DLC1: variants seen among roughly 807,000 people sequenced by gnomAD.
The protein encoded by DLC1 is rho GTPase-activating protein 7.
Under a neutral mutation model 140.3 loss-of-function variants are expected in DLC1, and 54 were observed. The observed-to-expected ratio is 0.38, with a 90% CI of 0.31 to 0.48. The LOEUF is 0.48. Among genes scored for constraint, DLC1 ranks in the 20% least tolerant of loss-of-function variants. DLC1 has a pLI of 0.96. For synonymous variants in DLC1, 986 were observed against 728.1 expected (o/e 1.35, Z -5.70); for missense variants, 2,536 against 1,907.0 (o/e 1.33, Z -6.14).
At chr8:13,531,280 A>T (rs1171974960) in intron 1 of DLC1, among the ~76,000 whole-genome samples, 3 of 152,184 alleles carry the variant, frequency 2.0e-5, no homozygotes, top group South Asian at 2.1e-4. Context: ...ATTGAGTTAC[A>T]TTTACAGCAA....
intron 5 of DLC1, chr8:13,214,588 G>T: frequency 1.4e-6 from 1 of 693,784 alleles, no homozygotes; most frequent in Non-Finnish European, 2.6e-6. Context: ...GCTGCCCGAG[G>T]AAATTGGAGT....
chr8:13,379,593 C>A (rs1221986009), intron 4 of DLC1, among the ~76,000 whole-genome samples: 2 of 152,176 alleles, frequency 1.3e-5, no homozygotes, highest in Non-Finnish European at 2.9e-5. Context: ...TAAGTCAAAT[C>A]ATTGTAAATT....
chr8:13,305,223 T>C lies in DLC1; in HGVS notation c.1348+46A>G, dbSNP rs201685760. The stretch of plus-strand genomic sequence containing the variant: ...AATGCCTATTTTAAGGTGAAATTTA[T>C]TCTAAAATAGATTGGCGAGAAAACA... On this transcript the variant is annotated intron_variant, in intron 5 of 17. Coordinates refer to ENST00000276297, the MANE Select transcript of DLC1 (RefSeq NM_182643.3). 64 of 1,602,922 alleles carry C rather than the reference T, an allele frequency of 4.0e-5. No homozygotes were observed. In the Middle Eastern group the frequency reaches 1.0e-3, roughly 25 times the overall value.
At chr8:13,415,589 T>C (rs1244826180) in intron 2 of DLC1, among the ~76,000 whole-genome samples, 1 of 151,958 alleles carries the variant, frequency 6.6e-6, no homozygotes, top group Non-Finnish European at 1.5e-5. Flanking sequence ...TTAGTAGAGA[T>C]GGGGTTTCAC....
At chr8:13,405,899 T>TTTTC (rs1223746115) in intron 2 of DLC1, among the ~76,000 whole-genome samples, 8 of 145,696 alleles carry the variant, frequency 5.5e-5, no homozygotes, top group Middle Eastern at 7.0e-3. Context: ...CTTTCTTTCT[T>TTTTC]TTTCTTTCTT....
chr8:13,303,345 C>A (rs1832281503), intron 5 of DLC1, among the ~76,000 whole-genome samples: 1 of 151,990 alleles, frequency 6.6e-6, no homozygotes, highest in Admixed American at 6.6e-5. Context: ...TCTCTCGATT[C>A]TTTTATGTGT....
At chr8:13,580,188 T>C (rs575670335) in intron 1 of DLC1, among the ~76,000 whole-genome samples, 1 of 152,128 alleles carries the variant, frequency 6.6e-6, no homozygotes, top group East Asian at 1.9e-4. Flanking sequence ...AGTGGCGCAA[T>C]CTCGGCTCAC....
chr8:13,276,395 C>A (rs562904462), intron 5 of DLC1: 1 of 1,488,230 alleles, frequency 6.7e-7, no homozygotes, highest in Non-Finnish European at 8.9e-7. Context: ...CCTTGGGGTC[C>A]CCCATCCGCT....
chr8:13,234,232 C>A (rs531424622), intron 5 of DLC1, among the ~76,000 whole-genome samples: 1 of 152,130 alleles, frequency 6.6e-6, no homozygotes, highest in East Asian at 1.9e-4. Flanking sequence ...AAGCTTAAGG[C>A]CAAGTCAAGA....
chr8:13,255,711 A>G (rs1830196200), intron 5 of DLC1, among the ~76,000 whole-genome samples: 1 of 151,974 alleles, frequency 6.6e-6, no homozygotes, highest in African/African-American at 2.4e-5. Context: ...TTATTAACCC[A>G]ATCTCACCCC....
intron 1 of DLC1, chr8:13,536,234 G>T (rs562095461): frequency 6.6e-6 from 1 of 152,174 alleles, no homozygotes; most frequent in African/African-American, 2.4e-5. Flanking sequence ...AGTGAAGGAA[G>T]GTCTGATCCG....
At chr8:13,201,174 T>A (rs1019219529) in intron 5 of DLC1, among the ~76,000 whole-genome samples, 1 of 152,088 alleles carries the variant, frequency 6.6e-6, no homozygotes, top group Non-Finnish European at 1.5e-5. Context: ...TCTGATTTGT[T>A]TGGGACTGGA....
At chr8:13,297,657 A>T (rs538280295) in intron 5 of DLC1, among the ~76,000 whole-genome samples, 1 of 152,286 alleles carries the variant, frequency 6.6e-6, no homozygotes, top group South Asian at 2.1e-4. Flanking sequence ...AACCAATCAG[A>T]TCCATACTAA....
intron 5 of DLC1, chr8:13,304,831 T>C: frequency 1.0e-6 from 1 of 980,160 alleles, no homozygotes; most frequent in East Asian, 1.1e-4. Context: ...ATACAATTAT[T>C]CACATTGCTT....
intron 1 of DLC1, among the ~76,000 whole-genome samples, chr8:13,574,781 C>G (rs1045450180): frequency 6.6e-6 from 1 of 152,156 alleles, no homozygotes; most frequent in Admixed American, 6.5e-5. Context: ...TCAGCTCAAT[C>G]CTGAACATCT....
chr8:13,453,426 G>GTATA (rs1185667826), intron 2 of DLC1, among the ~76,000 whole-genome samples: 2 of 12,694 alleles, frequency 1.6e-4, no homozygotes, highest in African/African-American at 8.1e-4. Flanking sequence ...ATATATATGT[G>GTATA]TATATATATA....
chr8:13,357,962 A>G (rs73203988), intron 4 of DLC1, among the ~76,000 whole-genome samples: 10,885 of 152,262 alleles, frequency 0.071, 483 homozygotes, highest in South Asian at 0.15. Flanking sequence ...GTATATATGT[A>G]TATACATTAG....
intron 2 of DLC1, among the ~76,000 whole-genome samples, chr8:13,497,697 T>C (rs946231360): frequency 6.6e-6 from 1 of 152,350 alleles, no homozygotes; most frequent in African/African-American, 2.4e-5. Context: ...CAGTTAATAC[T>C]GTCTTATGTC....
rs763706656 is a variant in DLC1 at position 13,100,469 on chromosome 8, C to A, written c.1868G>T (p.Ser623Ile). Residue 623 changes from serine to isoleucine, a missense_variant, in exon 9 of 18, where the codon AGC becomes ATC. Coordinates refer to ENST00000276297, the MANE Select transcript of DLC1 (RefSeq NM_182643.3). ...TGCCAAGTTGCTGGAGGAGCAAACG[C>A]TGATGACGGAGTTAGTCCGGGGGGT... ...AATPRTNSVISVCSSSNLAGN... is the reference protein window; with the variant it reads ...AATPRTNSVIIVCSSSNLAGN... 6.2e-7 allele frequency: 1 copy of A among 1,613,418 alleles called. No individual in the cohort carries two copies. Among genetic ancestry groups the A allele is most frequent in the Non-Finnish European group, 8.5e-7 (1 of 1,180,008 alleles).
Sources: allele counts gnomAD v4.1 joint callset (sites outside exome capture counted in the v4.1 genomes callset), GRCh38; gene constraint gnomAD v4.1.1; transcripts MANE v1.5; gene names NCBI Gene and HGNC (gene_info 2026-07-23, HGNC 2026-07-21).